HMOX2: variants seen among roughly 807,000 people sequenced by gnomAD.
The protein encoded by HMOX2 is heme oxygenase 2.
Under a neutral mutation model 33.7 loss-of-function variants are expected in HMOX2, and 30 were observed. The observed-to-expected ratio is 0.89, with a 90% CI of 0.67 to 1.21. The LOEUF (loss-of-function observed/expected upper bound fraction) is 1.21. HMOX2 is among the 50% of genes most tolerant of loss of function. HMOX2 has a pLI of 0.00. For synonymous variants in HMOX2, 155 were observed against 155.0 expected, an observed-to-expected ratio of 1.00 and a Z score of 0.00; for missense variants, 403 against 399.1, an observed-to-expected ratio of 1.01 and a Z score of -0.08.
intron 1 of HMOX2, among the ~76,000 whole-genome samples, chr16:4,477,906 G>GT (rs2057912406): frequency 6.8e-6 from 1 of 146,210 alleles, no homozygotes; most frequent in African/African-American, 2.4e-5. Context: ...GGGTGACAGA[G>GT]TGAGACCCTG....
At chr16:4,475,929 C>T (rs1384440613), upstream of HMOX2, 1 of 152,182 alleles carries the variant, frequency 6.6e-6, no homozygotes, top group Non-Finnish European at 1.5e-5. Context: ...ACGAGCAAAA[C>T]TCGGTCTCAA....
intron 1 of HMOX2, among the ~76,000 whole-genome samples, chr16:4,500,754 C>T (rs2058538769): frequency 6.6e-6 from 1 of 152,170 alleles, no homozygotes; most frequent in African/African-American, 2.4e-5. Flanking sequence ...CCTGGTAGTG[C>T]CTCATGCCAG....
At chr16:4,501,306 T>C (rs1175544915) in intron 1 of HMOX2, among the ~76,000 whole-genome samples, 1 of 152,196 alleles carries the variant, frequency 6.6e-6, no homozygotes, top group Admixed American at 6.5e-5. Context: ...CACACAGTTA[T>C]AGTCGGTGTT....
At chr16:4,503,963 G>T (rs1194701766) in intron 1 of HMOX2, among the ~76,000 whole-genome samples, 1 of 152,220 alleles carries the variant, frequency 6.6e-6, no homozygotes, top group East Asian at 1.9e-4. Context: ...TTAGTTGTCG[G>T]TGCTACTGTG....
chr16:4,505,613 G>T lies in HMOX2; in HGVS notation c.86+3G>T. On this transcript the variant is annotated splice_donor_region_variant and intron_variant, in intron 2 of 5. Transcript: ENST00000570646. ...CTAGAAAAGGAGAACCAAATGAGGT[G>T]AGCGATGGGGGCTGGCTGCACTGAA... 6.3e-7 allele frequency: 1 copy of T among 1,580,944 alleles called. No individual in the cohort carries two copies. Among genetic ancestry groups the T allele is most frequent in the East Asian group, 2.3e-5 (1 of 43,208 alleles).
intron 1 of HMOX2, among the ~76,000 whole-genome samples, chr16:4,488,426 AT>A (rs1314480485): frequency 2.0e-5 from 3 of 152,204 alleles, no homozygotes; most frequent in African/African-American, 7.2e-5. Flanking sequence ...GTGCTGCCCC[AT>A]TGGAGAAGAT....
intron 1 of HMOX2, among the ~76,000 whole-genome samples, chr16:4,498,183 G>C (rs2141581365): frequency 6.7e-6 from 1 of 148,990 alleles, no homozygotes. Flanking sequence ...TCGTGCCTCA[G>C]CCTCCCAAGT....
At chr16:4,506,738 T>C (rs1211416146) in intron 2 of HMOX2, among the ~76,000 whole-genome samples, 157 bp from the exon 3 acceptor site, 3 of 152,138 alleles carry the variant, frequency 2.0e-5, no homozygotes, top group Non-Finnish European at 4.4e-5. Flanking sequence ...CCTGACAAGT[T>C]GCTGCTATTT....
rs2058789257 is a variant in HMOX2, at chr16:4,509,660, A to C, written c.855A>C (p.Arg285=). 1 of 1,613,848 alleles carries C rather than the reference A, an allele frequency of 6.2e-7. No homozygotes were observed. Among genetic ancestry groups the C allele is most frequent in the Non-Finnish European group, 8.5e-7 (1 of 1,179,884 alleles). ...GALEGSSCPF[R]TAMAVLRKPS... ...TGGAGGGCAGCAGCTGTCCCTTCCG[A>C]ACAGCTATGGCTGTGCTGAGGAAGC... The change falls in exon 6 of 6, where the codon CGA becomes CGC. Residue 285 remains arginine (R), a synonymous_variant. Coordinates refer to ENST00000570646, the MANE Select transcript of HMOX2 (RefSeq NM_002134.4).
intron 2 of HMOX2, 81 bp from the exon 3 acceptor site, chr16:4,506,814 G>A: frequency 1.0e-6 from 1 of 1,003,512 alleles, no homozygotes; most frequent in Admixed American, 1.7e-5. Flanking sequence ...TTGGGGTGTG[G>A]ACTCAATCTT....
At chr16:4,475,439 C>T (rs536049623), upstream of HMOX2, among the ~76,000 whole-genome samples, 159 of 151,944 alleles carry the variant, frequency 1.0e-3, no homozygotes, top group African/African-American at 3.7e-3. Context: ...TCCTGAGTAG[C>T]TGGGATTACA....
At position 4,493,802 on chromosome 16, in the gene HMOX2, G is replaced by A. The variant is rs1157678777; in HGVS notation, c.-41-11682G>A. ...GTGCAGAAAGGACTTCTGTGCATAT[G>A]CCTGCTATTACACTTGTTGAACCCA... On this transcript the variant is annotated intron_variant, in intron 1 of 5. Coordinates refer to ENST00000570646, the MANE Select transcript of HMOX2 (RefSeq NM_002134.4). 3.9e-5 allele frequency among the ~76,000 whole-genome samples: 6 copies of A among 152,300 alleles called. No individual in the cohort carries two copies. In the East Asian group the frequency reaches 1.2e-3, roughly 29 times the overall value.
intron 1 of HMOX2, among the ~76,000 whole-genome samples, chr16:4,488,030 G>A (rs1038291756): frequency 3.3e-5 from 5 of 151,370 alleles, no homozygotes; most frequent in African/African-American, 1.2e-4. Context: ...GGCTGAGGCA[G>A]GAGAATCACT....
chr16:4,502,011 G>A (rs2058571085), intron 1 of HMOX2, among the ~76,000 whole-genome samples: 1 of 152,182 alleles, frequency 6.6e-6, no homozygotes, highest in Non-Finnish European at 1.5e-5. Context: ...AGTAAAATCG[G>A]TAGAACCTAT....
intron 1 of HMOX2, among the ~76,000 whole-genome samples, chr16:4,481,042 A>G (rs187423739): frequency 6.6e-5 from 10 of 151,878 alleles, no homozygotes; most frequent in African/African-American, 2.2e-4. Context: ...GCAAGAAGGT[A>G]CTAGTGTGAT....
intron 1 of HMOX2, among the ~76,000 whole-genome samples, chr16:4,485,064 C>G (rs930127837): frequency 2.0e-5 from 3 of 151,982 alleles, no homozygotes; most frequent in African/African-American, 7.3e-5. Context: ...CTCCTGGGTT[C>G]AAGCGATTCT....
chr16:4,505,153 T>A (rs936210820), intron 1 of HMOX2, among the ~76,000 whole-genome samples: 14 of 151,958 alleles, frequency 9.2e-5, no homozygotes, highest in Non-Finnish European at 1.9e-4. Flanking sequence ...TGACAGGGAG[T>A]TGCAGGCAGT....
rs146179900 is a variant in HMOX2 at position 4,485,518 on chromosome 16, A to G, written c.-42+9031A>G. 8.3e-4 allele frequency among the ~76,000 whole-genome samples: 126 copies of G among 152,230 alleles called. 1 individual carries two copies. Among genetic ancestry groups the G allele is most frequent in the African/African-American group, 3.0e-3 (125 of 41,530 alleles). On this transcript the variant is annotated intron_variant, in intron 1 of 5. Transcript: ENST00000570646. ...TTTTGAGAGGCCAGGGAAGTTAAAG[A>G]GTGGAGAAATGGAGAAAATGGGAGA... is the stretch of plus-strand genomic sequence containing the variant.
intron 1 of HMOX2, among the ~76,000 whole-genome samples, chr16:4,486,434 G>A (rs554256783): frequency 7.9e-5 from 12 of 152,306 alleles, no homozygotes; most frequent in African/African-American, 2.9e-4. Flanking sequence ...GAAGCTCAAG[G>A]TCTGTCAAGG....
Sources: gnomAD v4.1 joint callset for allele counts (sites outside exome capture counted in the v4.1 genomes callset) on GRCh38, gnomAD v4.1.1 for gene constraint, MANE v1.5 for transcripts, NCBI Gene and HGNC (gene_info 2026-07-23, HGNC 2026-07-21) for gene names.